Variants in ARMH3 observed in about 807,000 individuals in gnomAD.
ARMH3 encodes armadillo-like helical domain-containing protein 3.
A neutral mutation model predicts 99.1 loss-of-function variants in ARMH3; 60 were observed. The ratio of observed to expected loss-of-function variants is 0.61; its 90% CI spans 0.49 to 0.75. The LOEUF is 0.75. Among genes scored for constraint, ARMH3 ranks in the 30% least tolerant of loss-of-function variants. The probability of loss-of-function intolerance (pLI) is 0.00; values close to 1 mark genes in which losing one functional copy is unlikely to be tolerated. For missense variants in ARMH3, 679 were observed against 843.1 expected (o/e 0.81, Z 2.41); for synonymous variants, 285 against 292.8 (o/e 0.97, Z 0.27).
chr10:101,846,230 G>A lies in ARMH3; in HGVS notation c.*1298C>T, dbSNP rs41300229. The A allele has an allele frequency of 0.02, 3,084 of 152,770 alleles. 43 individuals are homozygous for A. The highest frequency in any genetic ancestry group is 0.045 in the South Asian group (219 of 4,824). 9.5% of individuals were successfully genotyped at this position (152,770 alleles called of 1,614,324 possible). On this transcript the variant is annotated 3_prime_UTR_variant, in exon 26 of 26. Coordinates refer to ENST00000370033, the MANE Select transcript of ARMH3 (RefSeq NM_024541.3). ...CCCCCAGAAAGTTCTCTCCCTCCCA[G>A]GCACTAGACCATGACAGGAATAGAT... is the stretch of plus-strand genomic sequence containing the variant.
chr10:101,973,443 G>T (rs1239481874), intron 20 of ARMH3, among the ~76,000 whole-genome samples: 1 of 151,696 alleles, frequency 6.6e-6, no homozygotes, highest in African/African-American at 2.4e-5. Flanking sequence ...TATGACACAT[G>T]TAAAAAGTAA....
At chr10:102,020,108 A>G (rs896235820) in intron 8 of ARMH3, among the ~76,000 whole-genome samples, 1 of 152,118 alleles carries the variant, frequency 6.6e-6, no homozygotes, top group Non-Finnish European at 1.5e-5. Context: ...GCTAAATGTT[A>G]TTACAAAAGA....
In ARMH3 at chr10:101,991,993, G is replaced by C; in HGVS notation, c.1321C>G (p.Arg441Gly). Residue 441 changes from arginine to glycine, a missense_variant, in exon 18 of 26, where the codon CGT becomes GGT. Physicochemically the swap from Arg to Gly is moderately radical, Grantham distance 125. This residue lies in a region of ARMH3 where 389 missense variants were observed against 456.5 expected (regional missense o/e 0.85). Transcript: ENST00000370033. Reference sequence around the variant, plus strand: ...CCCAGTACTGCACATACTAAAGGACGGCAGGGAAGATTCTTGTCTGCTGCC... The same window carrying C: ...CCCAGTACTGCACATACTAAAGGACCGCAGGGAAGATTCTTGTCTGCTGCC... The part of the protein sequence containing the change: ...KKAADKNLPC[R>G]PLVCAVLDLM... The C allele has an allele frequency of 6.2e-7, 1 of 1,614,068 alleles. No homozygotes were observed.
At chr10:101,877,196 G>A (rs553431050) in intron 24 of ARMH3, among the ~76,000 whole-genome samples, 1 of 152,172 alleles carries the variant, frequency 6.6e-6, no homozygotes, top group South Asian at 2.1e-4. Context: ...CCAGCTGCTC[G>A]AGAGGCTGAG....
intron 15 of ARMH3, 22 bp downstream of exon 15, chr10:102,001,949 C>T (rs373250769): frequency 6.2e-7 from 1 of 1,608,838 alleles, no homozygotes; most frequent in Non-Finnish European, 8.5e-7. Flanking sequence ...CTTCCTGAGC[C>T]CCCAAAATAG....
chr10:102,028,471 A>G (rs1268254699), intron 5 of ARMH3, among the ~76,000 whole-genome samples: 1 of 152,248 alleles, frequency 6.6e-6, no homozygotes, highest in Non-Finnish European at 1.5e-5. Flanking sequence ...TAATAGCCAA[A>G]ATGTTGAAAG....
chr10:101,985,692 C>A (rs1011069751), intron 19 of ARMH3, among the ~76,000 whole-genome samples: 3 of 151,706 alleles, frequency 2.0e-5, no homozygotes, highest in Non-Finnish European at 4.4e-5. Context: ...ACATCCTGGA[C>A]GACAAAGCAA....
chr10:102,029,495 T>A, intron 5 of ARMH3, 143 bp downstream of exon 5: 3 of 1,565,238 alleles, frequency 1.9e-6, no homozygotes, highest in Non-Finnish European at 2.6e-6. Context: ...ATCTGTGAAA[T>A]AAAAACATCT....
chr10:101,987,231 G>A (rs1356864001), intron 19 of ARMH3, among the ~76,000 whole-genome samples: 1 of 151,976 alleles, frequency 6.6e-6, no homozygotes, highest in Non-Finnish European at 1.5e-5. Context: ...CTAACCACCT[G>A]GAATTATGCT....
At chr10:101,905,829 G>T (rs1490218774) in intron 23 of ARMH3, among the ~76,000 whole-genome samples, 1 of 152,180 alleles carries the variant, frequency 6.6e-6, no homozygotes, top group East Asian at 1.9e-4. Flanking sequence ...AGAATACGCT[G>T]AATGCTTATA....
In ARMH3 at chr10:101,960,714, C is replaced by T. The variant is rs996672024; in HGVS notation, c.1496-2982G>A. 2.0e-5 allele frequency among the ~76,000 whole-genome samples: 3 copies of T among 151,844 alleles called. 1 individual carries two copies. The highest frequency in any genetic ancestry group is 1.3e-4 in the Admixed American group (2 of 15,236). ...GACCAGCCCGGCCAAGATGGTGAAA[C>T]CCCGTCTCTACTAAAAAATACAAAA... On this transcript the variant is annotated intron_variant, in intron 20 of 25. Coordinates refer to ENST00000370033, the MANE Select transcript of ARMH3 (RefSeq NM_024541.3).
At chr10:101,953,972 G>T (rs1397101357) in intron 22 of ARMH3, among the ~76,000 whole-genome samples, 3 of 152,066 alleles carry the variant, frequency 2.0e-5, no homozygotes, top group Non-Finnish European at 2.9e-5. Context: ...TGGGCAGGTT[G>T]CTTGAGCCCA....
At chr10:102,030,087 A>AT (rs756338112) in intron 4 of ARMH3, among the ~76,000 whole-genome samples, 2 of 151,750 alleles carry the variant, frequency 1.3e-5, no homozygotes, top group African/African-American at 4.8e-5. Context: ...CACCTGGTTA[A>AT]TTTTTTTATT....
chr10:101,991,855 CAACT>C, intron 18 of ARMH3, 110 bp downstream of exon 18: 1 of 1,091,360 alleles, frequency 9.2e-7, no homozygotes, highest in Non-Finnish European at 1.4e-6. Context: ...GGAAAAAACA[CAACT>C]AATAATTTAT....
intron 23 of ARMH3, among the ~76,000 whole-genome samples, chr10:101,909,258 T>C (rs1295185789): frequency 1.3e-5 from 2 of 151,570 alleles, no homozygotes; most frequent in East Asian, 3.9e-4. Flanking sequence ...AATACAAAAA[T>C]TAGCCAGGTG....
At chr10:101,985,047 AAC>A (rs1486281677) in intron 19 of ARMH3, among the ~76,000 whole-genome samples, 2 of 149,250 alleles carry the variant, frequency 1.3e-5, no homozygotes, top group Non-Finnish European at 3.0e-5. Context: ...TATCCTGGGC[AAC>A]AGAAAGAGAC....
At chr10:102,051,474 G>GAAAAA in intron 1 of ARMH3, among the ~76,000 whole-genome samples, 1 of 129,674 alleles carries the variant, frequency 7.7e-6, no homozygotes, top group East Asian at 2.2e-4. Flanking sequence ...CTCCATTTCG[G>GAAAAA]AAAAAAAAAA....
At chr10:101,896,441 T>C (rs191588597) in intron 23 of ARMH3, among the ~76,000 whole-genome samples, 5 of 152,140 alleles carry the variant, frequency 3.3e-5, no homozygotes, top group Admixed American at 3.3e-4. Context: ...GAATAGGGAG[T>C]GACTGCTATT....
At chr10:101,965,442 A>G (rs1845492459) in intron 20 of ARMH3, among the ~76,000 whole-genome samples, 2 of 152,110 alleles carry the variant, frequency 1.3e-5, no homozygotes, top group African/African-American at 2.4e-5. Flanking sequence ...TTCAAAATGA[A>G]CCCCGGGCAG....
Sources: allele counts gnomAD v4.1 joint callset (sites outside exome capture counted in the v4.1 genomes callset), GRCh38; gene constraint gnomAD v4.1.1; regional missense constraint gnomAD v4.1.1; transcripts MANE v1.5; gene names NCBI Gene and HGNC (gene_info 2026-07-23, HGNC 2026-07-21).